Variants in COX15 observed in about 807,000 individuals in gnomAD.
COX15 encodes the protein heme A synthase COX15.
A neutral mutation model predicts 51.9 loss-of-function variants in COX15; 51 were observed. The observed-to-expected ratio is 0.98, with a 90% CI of 0.78 to 1.24. The LOEUF (loss-of-function observed/expected upper bound fraction) is 1.24, where lower values mean the gene tolerates loss of function less well. Among genes scored for constraint, COX15 ranks in the 50% most tolerant of loss-of-function variants. The pLI, the probability that COX15 is intolerant of heterozygous loss-of-function variation, is 0.00. For synonymous variants in COX15, 188 were observed against 190.5 expected (o/e 0.99, Z 0.11); for missense variants, 420 against 501.1 (o/e 0.84, Z 1.55).
At chr10:99,706,902 C>T (rs2036264871), downstream of COX15, among the ~76,000 whole-genome samples, 1 of 152,162 alleles carries the variant, frequency 6.6e-6, no homozygotes, top group South Asian at 2.1e-4. Context: ...CACTGGCTAA[C>T]AGTGATCATG....
chr10:99,704,733 T>C, the COX15 span: 2 of 1,513,450 alleles, frequency 1.3e-6, no homozygotes, highest in Non-Finnish European at 1.8e-6. Context: ...TGCTGCTCAT[T>C]GAATTCCTCC....
chr10:99,712,376 T>G lies in COX15; in HGVS notation c.*2211A>C. 1 of 985,428 alleles carries G rather than the reference T, an allele frequency of 1.0e-6. No homozygotes were observed. Among genetic ancestry groups the G allele is most frequent in the East Asian group, 1.1e-4 (1 of 8,812 alleles). The allele number at this position is 985,428 out of a possible 1,614,324, so 61.0% of individuals were successfully genotyped here. ...ATAACATTTTTTAAAATCTTGAAAT[T>G]AGTTCCCAACACTTAATTGAGAGCT... On this transcript the variant is annotated 3_prime_UTR_variant, in exon 9 of 9. Coordinates refer to ENST00000016171, the MANE Select transcript of COX15 (RefSeq NM_078470.6).
At chr10:99,698,116 G>A in the COX15 span, among the ~76,000 whole-genome samples, 1 of 152,090 alleles carries the variant, frequency 6.6e-6, no homozygotes, top group Non-Finnish European at 1.5e-5. Context: ...CACTGCCGTG[G>A]TCTGCTCTTC....
chr10:99,710,063 C>G, downstream of COX15: 1 of 985,418 alleles, frequency 1.0e-6, no homozygotes, highest in African/African-American at 1.7e-5. Flanking sequence ...TGACTTCAGG[C>G]TAGCATAAAG....
At chr10:99,701,578 G>C in the COX15 span, among the ~76,000 whole-genome samples, 1 of 151,562 alleles carries the variant, frequency 6.6e-6, no homozygotes, top group East Asian at 1.9e-4. Flanking sequence ...ATGAGCCACC[G>C]GGCCCGGCCA....
chr10:99,725,718 C>T lies in COX15; in HGVS notation c.582+1250G>A, dbSNP rs147130600. 3.2e-4 allele frequency among the ~76,000 whole-genome samples: 48 copies of T among 152,300 alleles called. No individual in the cohort carries two copies. The East Asian group carries it at 8.1e-3, about 26-fold the overall frequency. Reference sequence around the variant, plus strand: ...GGGACTACAGGCCCACGCCAGCATGCCCAGCTAATTTTGGTATTTTAGGTA... The same window carrying T: ...GGGACTACAGGCCCACGCCAGCATGTCCAGCTAATTTTGGTATTTTAGGTA... On this transcript the variant is annotated intron_variant, in intron 4 of 8. Coordinates refer to ENST00000016171, the MANE Select transcript of COX15 (RefSeq NM_078470.6).
intron 6 of COX15, among the ~76,000 whole-genome samples, chr10:99,719,501 C>CT (rs1466034528): frequency 9.4e-5 from 14 of 148,620 alleles, no homozygotes; most frequent in African/African-American, 1.7e-4. Flanking sequence ...GCCTTTTTTT[C>CT]TTTTTTTGAG....
In COX15 at chr10:99,713,712, G is replaced by A; in HGVS notation, c.*875C>T. The A allele has an allele frequency of 3.2e-6, 2 of 628,712 alleles. No homozygotes were observed. The highest frequency in any genetic ancestry group is 5.1e-6 in the Non-Finnish European group (2 of 390,832). 38.9% of individuals were successfully genotyped at this position (628,712 alleles called of 1,614,324 possible). A position where few individuals can be genotyped will look rare whatever the true frequency, so the allele number is the denominator to read the frequency against. On this transcript the variant is annotated 3_prime_UTR_variant, in exon 9 of 9. Coordinates refer to ENST00000016171, the MANE Select transcript of COX15 (RefSeq NM_078470.6). ...TAGCTGGGCGTGGTGGCCCATGCCT[G>A]TAATCTCAGCACTTTGGGAAGCCGA...
rs779225028 is a variant in COX15, at chr10:99,716,310, T to C, written c.1101+38A>G. 52 of 1,439,414 alleles carry C rather than the reference T, an allele frequency of 3.6e-5. No individual in the cohort carries two copies. In the Middle Eastern group the frequency reaches 8.8e-4, roughly 24 times the overall value. The allele number at this position is 1,439,414 out of a possible 1,614,324, so 89.2% of individuals were successfully genotyped here. ...GCCCGGCCCCTTTTTTAACTTTGTATTGGGGATACTGTCAGAACAAAAAGA... is the reference window on the plus strand; with the variant it reads ...GCCCGGCCCCTTTTTTAACTTTGTACTGGGGATACTGTCAGAACAAAAAGA... On this transcript the variant is annotated intron_variant, in intron 8 of 8. Transcript: ENST00000016171.
intron 5 of COX15, among the ~76,000 whole-genome samples, chr10:99,721,723 A>G (rs973856702): frequency 2.0e-5 from 3 of 152,190 alleles, no homozygotes; most frequent in Non-Finnish European, 2.9e-5. Flanking sequence ...GCACTGTCCA[A>G]TAGAACTTTC....
At chr10:99,723,228 T>C in intron 5 of COX15, 1 of 152,838 alleles carries the variant, frequency 6.5e-6, no homozygotes, top group Non-Finnish European at 1.5e-5. Context: ...CTGCAACCTC[T>C]GCCTCCCGGA....
chr10:99,714,697 G>A lies in COX15; in HGVS notation c.1123C>T (p.Leu375=). 1 of 1,613,612 alleles carries A rather than the reference G, an allele frequency of 6.2e-7. No homozygotes were observed. The highest frequency in any genetic ancestry group is 8.5e-7 in the Non-Finnish European group (1 of 1,179,966). The part of the protein sequence containing the change: ...YTQVGLGIST[L]LMYVPTPLAA... ...AGAGGAGTTGGGACATACATCAGCA[G>A]CGTGCTGATGCCCAAGCCCACCTGT... The change falls in exon 9 of 9, where the codon CTG becomes TTG. Residue 375 remains leucine (L), a synonymous_variant. Transcript: ENST00000016171.
intron 5 of COX15, chr10:99,723,041 A>G (rs769337678): frequency 6.6e-6 from 1 of 152,138 alleles, no homozygotes; most frequent in Non-Finnish European, 1.5e-5. Flanking sequence ...AGCTCCAAGT[A>G]CCTAATGGAT....
chr10:99,702,551 A>G, the COX15 span: 1 of 1,608,876 alleles, frequency 6.2e-7, no homozygotes, highest in Non-Finnish European at 8.5e-7. Flanking sequence ...ACCAAGTCTT[A>G]CATGAAGGAT....
the COX15 span, chr10:99,702,685 C>T: frequency 1.3e-4 from 211 of 1,595,882 alleles, 1 homozygote; most frequent in East Asian, 4.7e-3. Context: ...TAAAGTAAGA[C>T]TGACCAATCT....
At chr10:99,728,247 T>A (rs2133627027) in intron 2 of COX15, among the ~76,000 whole-genome samples, 1 of 152,282 alleles carries the variant, frequency 6.6e-6, no homozygotes, top group East Asian at 1.9e-4. Context: ...CTAGAGCCAA[T>A]TTCAGGAGAT....
chr10:99,713,101 AT>A lies in COX15; in HGVS notation c.*1485del. The A allele has an allele frequency of 7.3e-6, 9 of 1,236,218 alleles. No homozygotes were observed. The highest frequency in any genetic ancestry group is 8.2e-6 in the Non-Finnish European group (8 of 977,420). The allele number at this position is 1,236,218 out of a possible 1,614,324, so 76.6% of individuals were successfully genotyped here. A position where few individuals can be genotyped will look rare whatever the true frequency, so the allele number is the denominator to read the frequency against. On this transcript the variant is annotated 3_prime_UTR_variant, in exon 9 of 9. Transcript: ENST00000016171. ...GAGTGAAATGCAGTATGTTAGGGGT[AT>A]TTTGACTATGGCTGTGACACTTCTA...
chr10:99,725,781 A>C (rs2036930200), intron 4 of COX15, among the ~76,000 whole-genome samples: 1 of 152,206 alleles, frequency 6.6e-6, no homozygotes, highest in African/African-American at 2.4e-5. Context: ...GCTGGTCTGG[A>C]ACTCCTGATC....
At chr10:99,697,985 C>T in the COX15 span, 1 of 157,356 alleles carries the variant, frequency 6.4e-6, no homozygotes, top group South Asian at 1.8e-4. Flanking sequence ...TCTCCCCACT[C>T]AGAGGCTCCA....
Sources: gnomAD v4.1 joint callset for allele counts (sites outside exome capture counted in the v4.1 genomes callset) on GRCh38, gnomAD v4.1.1 for gene constraint, MANE v1.5 for transcripts, NCBI Gene and HGNC (gene_info 2026-07-23, HGNC 2026-07-21) for gene names.